The following GPC5 variants were observed in gnomAD, a reference collection of about 807,000 sequenced individuals.
GPC5 encodes the protein glypican-5.
In GPC5, 47 loss-of-function variants were observed where a neutral mutation model predicts 53.9. The ratio of observed to expected loss-of-function variants is 0.87; its 90% CI spans 0.69 to 1.11. The LOEUF (loss-of-function observed/expected upper bound fraction) is 1.11, where lower values mean the gene tolerates loss of function less well. Among genes scored for constraint, GPC5 ranks in the 50% most tolerant of loss-of-function variants. The probability of loss-of-function intolerance (pLI) is 0.00; values close to 1 mark genes in which losing one functional copy is unlikely to be tolerated. For synonymous variants in GPC5, 286 were observed against 263.3 expected, an observed-to-expected ratio of 1.09 and a Z score of -0.84; for missense variants, 748 against 713.1, an observed-to-expected ratio of 1.05 and a Z score of -0.56.
At chr13:92,029,449 A>T (rs542439423) in intron 6 of GPC5, among the ~76,000 whole-genome samples, 1 of 152,276 alleles carries the variant, frequency 6.6e-6, no homozygotes, top group South Asian at 2.1e-4. Context: ...TTCATAATCA[A>T]GCTAGAAGGG....
chr13:91,530,597 A>T (rs1250573713), intron 2 of GPC5, among the ~76,000 whole-genome samples: 1 of 152,198 alleles, frequency 6.6e-6, no homozygotes, highest in East Asian at 1.9e-4. Flanking sequence ...TGCAGTAAAG[A>T]GCCAGCACGC....
intron 2 of GPC5, among the ~76,000 whole-genome samples, chr13:91,593,831 A>G (rs1350532168): frequency 1.3e-5 from 2 of 152,142 alleles, no homozygotes; most frequent in African/African-American, 2.4e-5. Flanking sequence ...CCCTCAATAA[A>G]ATAATGTGTG....
chr13:92,681,993 C>T (rs961892513), intron 7 of GPC5, among the ~76,000 whole-genome samples: 1 of 152,172 alleles, frequency 6.6e-6, no homozygotes, highest in Non-Finnish European at 1.5e-5. Context: ...GCATATTTCC[C>T]CCACTGGCTT....
At chr13:92,384,505 A>C (rs1487305235) in intron 7 of GPC5, among the ~76,000 whole-genome samples, 2 of 152,180 alleles carry the variant, frequency 1.3e-5, no homozygotes, top group East Asian at 3.8e-4. Context: ...TAATCAACTT[A>C]TAGTTTTATT....
chr13:92,006,746 C>G (rs2040610158), intron 6 of GPC5, among the ~76,000 whole-genome samples: 1 of 152,074 alleles, frequency 6.6e-6, no homozygotes. Flanking sequence ...GAGAGAGAGA[C>G]ACACACACAT....
intron 7 of GPC5, among the ~76,000 whole-genome samples, chr13:92,605,004 C>T (rs1469179993): frequency 1.3e-5 from 2 of 152,150 alleles, no homozygotes; most frequent in East Asian, 3.9e-4. Flanking sequence ...TGAATGTCAA[C>T]CAGATCCCAG....
chr13:91,708,361 C>T (rs753643700), intron 3 of GPC5, among the ~76,000 whole-genome samples: 4 of 151,916 alleles, frequency 2.6e-5, no homozygotes, highest in Non-Finnish European at 4.4e-5. Flanking sequence ...AAGCTGATGC[C>T]ACCTCAGTCT....
chr13:91,908,469 G>C (rs550165762), intron 6 of GPC5, among the ~76,000 whole-genome samples: 1 of 152,182 alleles, frequency 6.6e-6, no homozygotes, highest in East Asian at 1.9e-4. Flanking sequence ...TTCAATATAA[G>C]TTAGGTCATA....
At chr13:92,590,638 G>A (rs1484695974) in intron 7 of GPC5, among the ~76,000 whole-genome samples, 1 of 152,106 alleles carries the variant, frequency 6.6e-6, no homozygotes, top group Non-Finnish European at 1.5e-5. Flanking sequence ...TGGAACCGAG[G>A]ACTCCTCCGT....
In GPC5 at chr13:91,858,997, T is replaced by A. The variant is rs191885782; in HGVS notation, c.1281-48940T>A. On this transcript the variant is annotated intron_variant, in intron 5 of 7. Coordinates refer to ENST00000377067, the MANE Select transcript of GPC5 (RefSeq NM_004466.6). ...AGAATTTCTAAAATATCAACTATAA[T>A]GTCACCTTTTTCATCTCTGATTTTA... Among the ~76,000 whole-genome samples the A allele has an allele frequency of 6.4e-4, 97 of 151,042 alleles. 1 individual carries two copies. Among genetic ancestry groups the A allele is most frequent in the Non-Finnish European group, 1.2e-3 (80 of 67,658 alleles).
At chr13:92,620,520 T>C (rs1463390208) in intron 7 of GPC5, among the ~76,000 whole-genome samples, 1 of 152,212 alleles carries the variant, frequency 6.6e-6, no homozygotes, top group African/African-American at 2.4e-5. Flanking sequence ...AAGTAATTCC[T>C]AAAGTGACTT....
intron 6 of GPC5, among the ~76,000 whole-genome samples, chr13:91,923,358 C>T (rs1425145938): frequency 6.6e-6 from 1 of 152,176 alleles, no homozygotes; most frequent in African/African-American, 2.4e-5. Flanking sequence ...TGCAGTTCAG[C>T]AGCACTTAAC....
chr13:92,151,580 T>C (rs2041907848), intron 7 of GPC5, among the ~76,000 whole-genome samples: 1 of 152,196 alleles, frequency 6.6e-6, no homozygotes, highest in Non-Finnish European at 1.5e-5. Flanking sequence ...CAGTCTCTGA[T>C]TATTTTTAGC....
chr13:92,070,579 G>A (rs1370942986), intron 6 of GPC5, among the ~76,000 whole-genome samples: 2 of 152,158 alleles, frequency 1.3e-5, no homozygotes, highest in African/African-American at 2.4e-5. Context: ...GGAAATTTTT[G>A]TTGTTGTATA....
intron 7 of GPC5, among the ~76,000 whole-genome samples, chr13:92,587,621 C>T (rs559236427): frequency 6.6e-6 from 1 of 152,214 alleles, no homozygotes; most frequent in South Asian, 2.1e-4. Context: ...AAGAGCATAT[C>T]GTCTAGTCTC....
intron 7 of GPC5, among the ~76,000 whole-genome samples, chr13:92,577,126 A>G (rs1883211214): frequency 6.6e-6 from 1 of 152,150 alleles, no homozygotes; most frequent in Non-Finnish European, 1.5e-5. Context: ...GTCATTGGGA[A>G]AGTCATGTGG....
Position 91,809,685 on chromosome 13 carries a change from C to T in GPC5, c.1280+53265C>T, listed in dbSNP as rs1323214542. ...ATTCATTTCCCACACATAAAACTCC[C>T]ATCTCCTGCTTTGTTTTTTTAATAA... On this transcript the variant is annotated intron_variant, in intron 5 of 7. Transcript: ENST00000377067. Among the ~76,000 whole-genome samples, 5 of 152,100 alleles carry T rather than the reference C, an allele frequency of 3.3e-5. No homozygotes were observed. In the East Asian group the frequency reaches 7.7e-4, roughly 23 times the overall value.
chr13:92,068,781 ATT>A (rs967858788), intron 6 of GPC5, among the ~76,000 whole-genome samples: 8 of 151,700 alleles, frequency 5.3e-5, no homozygotes, highest in African/African-American at 9.7e-5. Flanking sequence ...AAAAAACTTA[ATT>A]TGTTTTTAAT....
chr13:91,821,319 A>G (rs1387772286), intron 5 of GPC5, among the ~76,000 whole-genome samples: 1 of 152,210 alleles, frequency 6.6e-6, no homozygotes, highest in Non-Finnish European at 1.5e-5. Context: ...TGTCAAGTTT[A>G]TATCCAGCAA....
Sources: allele counts gnomAD v4.1 joint callset (sites outside exome capture counted in the v4.1 genomes callset), GRCh38; gene constraint gnomAD v4.1.1; transcripts MANE v1.5; gene names NCBI Gene and HGNC (gene_info 2026-07-23, HGNC 2026-07-21).